DDX60L: variants seen among roughly 807,000 people sequenced by gnomAD.
DDX60L encodes the protein probable ATP-dependent RNA helicase DDX60-like.
DDX60L carries 191 observed loss-of-function variants against 211.6 expected under a neutral mutation model. The ratio of observed to expected loss-of-function variants is 0.90; its 90% CI spans 0.80 to 1.02. DDX60L has a LOEUF of 1.02. Among genes scored for constraint, DDX60L ranks in the 50% least tolerant of loss-of-function variants. The pLI, the probability that DDX60L is intolerant of heterozygous loss-of-function variation, is 0.00. For synonymous variants in DDX60L, 706 were observed against 694.1 expected (o/e 1.02, Z -0.27); for missense variants, 2,007 against 1,984.1 (o/e 1.01, Z -0.22).
chr4:168,369,872 AC>A (rs1490041747), intron 36 of DDX60L, among the ~76,000 whole-genome samples: 1 of 152,176 alleles, frequency 6.6e-6, no homozygotes, highest in Admixed American at 6.5e-5. Context: ...ATCAAATACC[AC>A]CTCACTCTAG....
chr4:168,380,061 C>T, intron 30 of DDX60L: 2 of 356,786 alleles, frequency 5.6e-6, no homozygotes, highest in Middle Eastern at 7.5e-4. Flanking sequence ...CCCAGACTGG[C>T]AAATAATCTG....
chr4:168,379,417 C>G lies in DDX60L; in HGVS notation c.4309G>C (p.Val1437Leu). 6.2e-7 allele frequency: 1 copy of G among 1,602,314 alleles called. No homozygotes were observed. Among genetic ancestry groups the G allele is most frequent in the Admixed American group, 1.8e-5 (1 of 57,066 alleles). ...HGHEPSNLVF[V>L]NFLKRGLFHN... ...AAAAGGCCTCTCTTGAGAAAATTTA[C>G]AAAAACAAGATTTGAAGGTTCATGA... Residue 1437 changes from valine to leucine, a missense_variant, in exon 32 of 38, where the codon GTA becomes CTA. Coordinates refer to ENST00000682922, the MANE Select transcript of DDX60L (RefSeq NM_001012967.3).
chr4:168,446,215 C>A (rs560449282), intron 9 of DDX60L, among the ~76,000 whole-genome samples: 18 of 152,060 alleles, frequency 1.2e-4, no homozygotes, highest in East Asian at 9.7e-4. Flanking sequence ...CAAAAATCAC[C>A]AGCATTCTTA....
At position 168,442,459 on chromosome 4, in the gene DDX60L, C is replaced by T. The variant is rs1019445552; in HGVS notation, c.1139-967G>A. ...GCAGCGAGGCTGGGGGAGGGGCGCC[C>T]GCCATTGCCCAGGCTTGATTAGGTA... On this transcript the variant is annotated intron_variant, in intron 9 of 37. Coordinates refer to ENST00000682922, the MANE Select transcript of DDX60L (RefSeq NM_001012967.3). 1.5e-4 allele frequency among the ~76,000 whole-genome samples: 23 copies of T among 152,290 alleles called. 1 individual carries two copies. The highest frequency in any genetic ancestry group is 5.5e-4 in the African/African-American group (23 of 41,558).
At chr4:168,462,142 T>G (rs936930767) in intron 4 of DDX60L, 102 bp from the exon 5 acceptor site, 3 of 852,332 alleles carry the variant, frequency 3.5e-6, no homozygotes, top group African/African-American at 1.7e-5. Flanking sequence ...ACTGAACTCA[T>G]GTGATCTAAT....
At chr4:168,416,190 T>C (rs1477176483) in intron 20 of DDX60L, among the ~76,000 whole-genome samples, 1 of 152,214 alleles carries the variant, frequency 6.6e-6, no homozygotes, top group Non-Finnish European at 1.5e-5. Flanking sequence ...TTTGTTGTTC[T>C]TATGATTGTC....
intron 12 of DDX60L, among the ~76,000 whole-genome samples, chr4:168,431,524 G>A (rs1488704790): frequency 2.0e-5 from 3 of 146,474 alleles, no homozygotes. Flanking sequence ...GACACAGGAA[G>A]GGGAACATCA....
chr4:168,420,463 T>TACACACAC (rs10598232), intron 17 of DDX60L, 83 bp from the exon 18 acceptor site: 63 of 459,644 alleles, frequency 1.4e-4, no homozygotes, highest in African/African-American at 1.4e-3. Flanking sequence ...TCCATACACA[T>TACACACAC]ACACACACAC....
intron 29 of DDX60L, chr4:168,390,516 G>A (rs1744613268): frequency 4.9e-6 from 7 of 1,437,484 alleles, no homozygotes; most frequent in Non-Finnish European, 6.4e-6. Context: ...TCCAGTCTAG[G>A]AGAGTTCACA....
At chr4:168,368,298 T>C (rs992070463) in intron 36 of DDX60L, among the ~76,000 whole-genome samples, 5 of 152,200 alleles carry the variant, frequency 3.3e-5, no homozygotes, top group Admixed American at 1.3e-4. Flanking sequence ...AAAAGGCTAA[T>C]GTAGAGCTTG....
intron 9 of DDX60L, among the ~76,000 whole-genome samples, chr4:168,442,433 G>A (rs1022001565): frequency 9.9e-5 from 15 of 152,112 alleles, no homozygotes; most frequent in Admixed American, 5.9e-4. Flanking sequence ...GGGGAGGGGC[G>A]GCAGCGAGGC....
chr4:168,457,645 C>T (rs1421807597), intron 6 of DDX60L, among the ~76,000 whole-genome samples: 2 of 152,160 alleles, frequency 1.3e-5, no homozygotes, highest in African/African-American at 4.8e-5. Context: ...TTAAGTACTA[C>T]AATTTTCTAG....
chr4:168,463,002 T>C lies in DDX60L; in HGVS notation c.265-962A>G, dbSNP rs141573052. 1.2e-4 allele frequency among the ~76,000 whole-genome samples: 18 copies of C among 152,190 alleles called. 1 individual carries two copies. In the East Asian group the frequency reaches 3.5e-3, roughly 29 times the overall value. On this transcript the variant is annotated intron_variant, in intron 4 of 37. Transcript: ENST00000682922. ...TAACTCAACATCAAAAAATAACAGA[T>C]GCTGATAAAGTCGCAGAGAAAAAGG...
intron 34 of DDX60L, among the ~76,000 whole-genome samples, 190 bp downstream of exon 34, chr4:168,375,187 T>G (rs752346647): frequency 6.6e-6 from 1 of 152,216 alleles, no homozygotes; most frequent in Non-Finnish European, 1.5e-5. Flanking sequence ...TTTTTTTAAT[T>G]GGAAAACAGA....
intron 13 of DDX60L, among the ~76,000 whole-genome samples, chr4:168,429,549 T>C (rs956440426): frequency 1.3e-5 from 2 of 152,240 alleles, no homozygotes; most frequent in South Asian, 2.1e-4. Flanking sequence ...TCTTTTCTTA[T>C]TCTAAAAAAG....
At chr4:168,421,271 TA>T (rs1433161234) in intron 17 of DDX60L, among the ~76,000 whole-genome samples, 6 of 152,242 alleles carry the variant, frequency 3.9e-5, no homozygotes, top group African/African-American at 1.4e-4. Context: ...TCATCATTTT[TA>T]TATTCATGAT....
At chr4:168,466,781 T>C (rs1758049255) in intron 4 of DDX60L, among the ~76,000 whole-genome samples, 1 of 152,194 alleles carries the variant, frequency 6.6e-6, no homozygotes, top group Non-Finnish European at 1.5e-5. Flanking sequence ...GTGATGGATA[T>C]ATGGTCCATG....
Position 168,376,486 on chromosome 4 carries a change from A to G in DDX60L, c.4486-962T>C, listed in dbSNP as rs375096190. ...GTAAGAATTTTCCAGGGGGATTCTT[A>G]CAAAAGGCAACCGTGTGGACATAAT... On this transcript the variant is annotated intron_variant, in intron 33 of 37. Transcript: ENST00000682922. Among the ~76,000 whole-genome samples the G allele has an allele frequency of 3.3e-5, 5 of 152,194 alleles. No individual in the cohort carries two copies. In the South Asian group the frequency reaches 6.2e-4, roughly 19 times the overall value.
At chr4:168,400,238 T>C (rs925097438) in intron 26 of DDX60L, among the ~76,000 whole-genome samples, 1 of 152,034 alleles carries the variant, frequency 6.6e-6, no homozygotes, top group African/African-American at 2.4e-5. Flanking sequence ...GGTGTACATG[T>C]ACCACATTTT....
Sources: allele counts gnomAD v4.1 joint callset (sites outside exome capture counted in the v4.1 genomes callset), GRCh38; gene constraint gnomAD v4.1.1; transcripts MANE v1.5; gene names NCBI Gene and HGNC (gene_info 2026-07-23, HGNC 2026-07-21).